ZMYM2: variants seen among roughly 807,000 people sequenced by gnomAD.
The protein encoded by ZMYM2 is zinc finger MYM-type protein 2.
A neutral mutation model predicts 162.8 loss-of-function variants in ZMYM2; 56 were observed. The ratio of observed to expected loss-of-function variants is 0.34; its 90% CI spans 0.28 to 0.43. The LOEUF (loss-of-function observed/expected upper bound fraction) is 0.43, where lower values mean the gene tolerates loss of function less well. Ranked by LOEUF, ZMYM2 falls within the 20% of genes least tolerant of loss-of-function variation. ZMYM2 has a pLI of 1.00. For synonymous variants in ZMYM2, 510 were observed against 541.6 expected, an observed-to-expected ratio of 0.94 and a Z score of 0.81; for missense variants, 1,275 against 1,621.8, an observed-to-expected ratio of 0.79 and a Z score of 3.67.
intron 2 of ZMYM2, among the ~76,000 whole-genome samples, chr13:19,991,094 T>C (rs1010077069): frequency 6.8e-6 from 1 of 147,370 alleles, no homozygotes; most frequent in Non-Finnish European, 1.5e-5. Flanking sequence ...TGTGTGTGTG[T>C]GTGTGTGTGT....
At chr13:20,075,494 C>T (rs1487214753) in intron 21 of ZMYM2, among the ~76,000 whole-genome samples, 3 of 151,862 alleles carry the variant, frequency 2.0e-5, no homozygotes, top group African/African-American at 4.8e-5. Context: ...GTATAAGGAA[C>T]GGTGGTTATT....
chr13:20,002,141 G>C (rs1373049990), intron 3 of ZMYM2, among the ~76,000 whole-genome samples: 1 of 152,140 alleles, frequency 6.6e-6, no homozygotes, highest in Non-Finnish European at 1.5e-5. Context: ...TGGAAAAGCT[G>C]TTCTTAAAAT....
the ZMYM2 span, among the ~76,000 whole-genome samples, chr13:19,882,920 G>T: frequency 1.3e-5 from 2 of 151,998 alleles, no homozygotes; most frequent in Non-Finnish European, 2.9e-5. Context: ...CAAAATAATT[G>T]AAAACAGATG....
At chr13:19,881,242 T>C in the ZMYM2 span, among the ~76,000 whole-genome samples, 1 of 152,184 alleles carries the variant, frequency 6.6e-6, no homozygotes, top group Non-Finnish European at 1.5e-5. Context: ...CGATAATTTA[T>C]TTGTATCTTT....
At chr13:20,029,654 C>T (rs373322227) in intron 9 of ZMYM2, among the ~76,000 whole-genome samples, 2 of 151,832 alleles carry the variant, frequency 1.3e-5, no homozygotes, top group East Asian at 1.9e-4. Flanking sequence ...TTTTATTAAC[C>T]GTTTCATGCA....
rs377391104 is a variant in ZMYM2, at chr13:20,066,900, C to G, written c.3182C>G (p.Ser1061Cys). 3.7e-6 allele frequency: 6 copies of G among 1,612,452 alleles called. No individual in the cohort carries two copies. The highest frequency in any genetic ancestry group is 5.1e-6 in the Non-Finnish European group (6 of 1,179,158). Residue 1061 changes from serine to cysteine, a missense_variant, in exon 20 of 25, where the codon TCT becomes TGT. Ser to Cys is a moderately radical substitution (Grantham distance 112, BLOSUM62 -1). Transcript: ENST00000610343. ...GGATACCAGTCTCATGATGATAGTT[C>G]TGACAATTCAGAATGCAGCTTTCCT... The part of the protein sequence containing the change: ...VSGYQSHDDS[S>C]DNSECSFPFK...
the ZMYM2 span, among the ~76,000 whole-genome samples, chr13:19,886,267 C>A: frequency 6.9e-6 from 1 of 145,520 alleles, no homozygotes; most frequent in Non-Finnish European, 1.5e-5. Flanking sequence ...TGGGTTCAAG[C>A]GATTCTCCTG....
the ZMYM2 span, among the ~76,000 whole-genome samples, chr13:19,865,369 A>T: frequency 6.6e-6 from 1 of 152,264 alleles, no homozygotes; most frequent in Non-Finnish European, 1.5e-5. Context: ...TTGATCTAAG[A>T]CAAAAGCATG....
At chr13:19,893,150 G>C in the ZMYM2 span, among the ~76,000 whole-genome samples, 1 of 151,632 alleles carries the variant, frequency 6.6e-6, no homozygotes, top group Non-Finnish European at 1.5e-5. Flanking sequence ...GGTTAAAATA[G>C]GGCTGCACAT....
intron 11 of ZMYM2, 132 bp downstream of exon 11, chr13:20,034,536 A>C: frequency 1.2e-6 from 1 of 821,304 alleles, no homozygotes; most frequent in Non-Finnish European, 1.7e-6. Flanking sequence ...GTTTCTACTG[A>C]CTTGTTTCGT....
the ZMYM2 span, among the ~76,000 whole-genome samples, chr13:19,898,210 T>TA: frequency 6.6e-6 from 1 of 151,600 alleles, no homozygotes; most frequent in Non-Finnish European, 1.5e-5. Context: ...AGTAAAAAAA[T>TA]ATATATATGG....
the ZMYM2 span, among the ~76,000 whole-genome samples, chr13:19,922,071 G>A: frequency 1.6e-4 from 24 of 151,870 alleles, no homozygotes; most frequent in Non-Finnish European, 5.9e-5. Context: ...GCACCACCAC[G>A]CTCACCTTAT....
At chr13:19,868,281 C>CA in the ZMYM2 span, among the ~76,000 whole-genome samples, 1 of 152,224 alleles carries the variant, frequency 6.6e-6, no homozygotes, top group Non-Finnish European at 1.5e-5. Context: ...TGAGCACAGT[C>CA]AGAGATTAAA....
chr13:19,866,555 C>T, the ZMYM2 span, among the ~76,000 whole-genome samples: 9 of 150,918 alleles, frequency 6.0e-5, 1 homozygote, highest in South Asian at 1.7e-3. Flanking sequence ...ATTCCAGATA[C>T]TCGGGAGGCT....
chr13:19,875,552 C>T, the ZMYM2 span, among the ~76,000 whole-genome samples: 8 of 147,802 alleles, frequency 5.4e-5, no homozygotes, highest in African/African-American at 1.5e-4. Context: ...CGCTTGAACC[C>T]GGGAGGCGGA....
At chr13:19,977,984 A>C (rs1405851558) in intron 2 of ZMYM2, among the ~76,000 whole-genome samples, 2 of 140,550 alleles carry the variant, frequency 1.4e-5, no homozygotes, top group African/African-American at 2.6e-5. Flanking sequence ...TCATGCCATT[A>C]TCCTGCCTCA....
intron 8 of ZMYM2, 44 bp downstream of exon 8, chr13:20,026,806 A>C: frequency 6.5e-7 from 1 of 1,540,010 alleles, no homozygotes. Flanking sequence ...TTTACAACGT[A>C]ATTAATTTTT....
chr13:20,074,442 A>G (rs968145013), intron 21 of ZMYM2, among the ~76,000 whole-genome samples: 15 of 151,756 alleles, frequency 9.9e-5, no homozygotes, highest in Non-Finnish European at 1.6e-4. Context: ...CGCCATGTTG[A>G]CCAGTCTGGT....
chr13:20,006,248 A>T (rs3969462), intron 5 of ZMYM2, 126 bp from the exon 6 acceptor site: 37 of 554,098 alleles, frequency 6.7e-5, no homozygotes, highest in African/African-American at 2.5e-4. Context: ...AAAAAAAAAA[A>T]TTTTTTTTTT....
Sources: allele counts gnomAD v4.1 joint callset (sites outside exome capture counted in the v4.1 genomes callset), GRCh38; gene constraint gnomAD v4.1.1; transcripts MANE v1.5; gene names NCBI Gene and HGNC (gene_info 2026-07-23, HGNC 2026-07-21).